TLL2: variants seen among roughly 807,000 people sequenced by gnomAD.
TLL2 encodes the protein tolloid-like protein 2.
Under a neutral mutation model 123.0 loss-of-function variants are expected in TLL2, and 106 were observed. That is an observed-to-expected ratio of 0.86 (90% CI 0.74 to 1.01). The LOEUF (loss-of-function observed/expected upper bound fraction) is 1.01. TLL2 is among the 50% of genes least tolerant of loss of function. TLL2 has a pLI of 0.00. For synonymous variants in TLL2, 494 were observed against 516.8 expected (o/e 0.96, Z 0.60); for missense variants, 1,332 against 1,336.7 (o/e 1.00, Z 0.06).
At chr10:96,497,352 GT>G (rs552664000) in intron 1 of TLL2, among the ~76,000 whole-genome samples, 8 of 152,104 alleles carry the variant, frequency 5.3e-5, no homozygotes, top group Admixed American at 1.3e-4. Context: ...TTCAGTCCAG[GT>G]AATAGCTGGG....
chr10:96,369,114 C>T (rs370316431), intron 20 of TLL2, among the ~76,000 whole-genome samples: 69 of 152,288 alleles, frequency 4.5e-4, no homozygotes, highest in African/African-American at 1.5e-3. Flanking sequence ...CTTGAGCGAC[C>T]GGGCCTCCAG....
At chr10:96,371,478 G>T (rs1002012235) in intron 19 of TLL2, among the ~76,000 whole-genome samples, 1 of 152,220 alleles carries the variant, frequency 6.6e-6, no homozygotes, top group African/African-American at 2.4e-5. Context: ...TGTAGATTCT[G>T]GGCCACCTGG....
In TLL2 at chr10:96,413,242, C is replaced by T. The variant is rs41291632; in HGVS notation, c.998G>A (p.Arg333Gln). The T allele has an allele frequency of 0.012, 19,682 of 1,614,162 alleles. 159 individuals carry two copies. The highest frequency in any genetic ancestry group is 0.014 in the Non-Finnish European group (16,256 of 1,180,000). Reference protein sequence around the residue: ...GVRPTIGQRVRLSQGDIAQAR... With the variant: ...GVRPTIGQRVQLSQGDIAQAR... Reference sequence around the variant, plus strand: ...TTGAGCTATGTCTCCCTGACTGAGCCGCACGCGCTGGCCAATGGTTGGCCT... The same window carrying T: ...TTGAGCTATGTCTCCCTGACTGAGCTGCACGCGCTGGCCAATGGTTGGCCT... The change falls in exon 8 of 21, where the codon CGG becomes CAG. Residue 333 changes from arginine to glutamine, a missense_variant. Arg to Gln is a conservative substitution (Grantham distance 43, BLOSUM62 1). Transcript: ENST00000357947.
intron 2 of TLL2, among the ~76,000 whole-genome samples, chr10:96,466,173 T>C (rs924674481): frequency 1.3e-5 from 2 of 152,060 alleles, no homozygotes; most frequent in African/African-American, 4.8e-5. Flanking sequence ...AGAAAGCAAG[T>C]AGTAGCGGGA....
At chr10:96,421,135 G>A in intron 6 of TLL2, 74 bp from the exon 7 acceptor site, 1 of 1,166,718 alleles carries the variant, frequency 8.6e-7, no homozygotes, top group Non-Finnish European at 1.3e-6. Flanking sequence ...GAAGGAGAAG[G>A]AGGGCCCATA....
intron 16 of TLL2, among the ~76,000 whole-genome samples, chr10:96,381,083 G>A (rs563687111): frequency 2.0e-5 from 3 of 152,130 alleles, no homozygotes; most frequent in African/African-American, 7.2e-5. Flanking sequence ...ATGACTCACA[G>A]GTCCTCACCC....
chr10:96,407,868 C>T (rs7914211), intron 9 of TLL2, among the ~76,000 whole-genome samples: 133,548 of 148,980 alleles, frequency 0.9, 59,097 homozygotes, highest in East Asian at 1. Context: ...CATGTGTGTG[C>T]GCACACGTGT....
At chr10:96,458,505 T>C (rs896285736) in intron 2 of TLL2, among the ~76,000 whole-genome samples, 9 of 145,688 alleles carry the variant, frequency 6.2e-5, no homozygotes, top group African/African-American at 2.3e-4. Flanking sequence ...GAGAATCGCT[T>C]GAACCTGGGA....
Position 96,373,726 on chromosome 10 carries a change from G to C in TLL2, c.2532C>G (p.Ala844=). The change falls in exon 19 of 21, where the codon GCC becomes GCG. Residue 844 remains alanine (A), a synonymous_variant. Transcript: ENST00000357947. ...TGCCGCAGAAACGGCCCAGAATGGG[G>C]GCCAGGCTGTCCGGCCCGTCATACA... is the stretch of plus-strand genomic sequence containing the variant. ...LEMYDGPDSL[A]PILGRFCGSK... 1 of 1,614,154 alleles carries C rather than the reference G, an allele frequency of 6.2e-7. No individual in the cohort carries two copies. The highest frequency in any genetic ancestry group is 8.5e-7 in the Non-Finnish European group (1 of 1,180,024).
intron 2 of TLL2, among the ~76,000 whole-genome samples, chr10:96,447,035 G>A (rs757349797): frequency 5.3e-5 from 8 of 152,256 alleles, no homozygotes; most frequent in Non-Finnish European, 1.0e-4. Context: ...GTGATAGAAC[G>A]TGATGGGAGG....
In TLL2 at chr10:96,413,306, A is replaced by T. The variant is rs760464995; in HGVS notation, c.934T>A (p.Leu312Ile). 1 of 1,613,822 alleles carries T rather than the reference A, an allele frequency of 6.2e-7. No homozygotes were observed. The highest frequency in any genetic ancestry group is 1.7e-5 in the Admixed American group (1 of 60,022). ...TCTTGACGGGGAAGGATGGTGTCTAAGAAAACTCCTCTACAGGAAGGAAAA... is the reference window on the plus strand; with the variant it reads ...TCTTGACGGGGAAGGATGGTGTCTATGAAAACTCCTCTACAGGAAGGAAAA... ...ARNTFSRGVF[L>I]DTILPRQDDN... Residue 312 changes from leucine to isoleucine, a missense_variant, in exon 8 of 21, where the codon TTA becomes ATA. Physicochemically the swap from Leu to Ile is conservative, Grantham distance 5. Coordinates refer to ENST00000357947, the MANE Select transcript of TLL2 (RefSeq NM_012465.4).
chr10:96,373,293 C>T (rs894889504), intron 19 of TLL2: 2 of 315,010 alleles, frequency 6.3e-6, no homozygotes, highest in Non-Finnish European at 1.2e-5. Context: ...AGGCACCAAC[C>T]ACCATGCCCA....
rs3789948 is a variant in TLL2 at position 96,402,739 on chromosome 10, C to T, written c.1267+2493G>A. On this transcript the variant is annotated intron_variant, in intron 10 of 20. Transcript: ENST00000357947. Reference sequence around the variant, plus strand: ...CTACCTGACTGACTTCTTCTAATGCCGGCAGCCTGGGACCCCTCAGTCATA... The same window carrying T: ...CTACCTGACTGACTTCTTCTAATGCTGGCAGCCTGGGACCCCTCAGTCATA... 7.6e-3 allele frequency among the ~76,000 whole-genome samples: 1,156 copies of T among 152,244 alleles called. 57 individuals are homozygous for T. In the South Asian group the frequency reaches 0.1, roughly 13 times the overall value.
chr10:96,490,383 A>G (rs2134108963), intron 1 of TLL2, among the ~76,000 whole-genome samples: 1 of 152,302 alleles, frequency 6.6e-6, no homozygotes, highest in African/African-American at 2.4e-5. Context: ...AGCGGAGAAA[A>G]AGAGTACCAA....
chr10:96,469,789 G>A (rs11188776), intron 2 of TLL2, among the ~76,000 whole-genome samples: 2,204 of 152,352 alleles, frequency 0.014, 87 homozygotes, highest in South Asian at 0.11. Context: ...CACAGAAGAG[G>A]TCCTCAATTA....
intron 1 of TLL2, among the ~76,000 whole-genome samples, chr10:96,499,242 G>C (rs1255035754): frequency 1.3e-5 from 2 of 152,140 alleles, no homozygotes; most frequent in African/African-American, 4.8e-5. Flanking sequence ...ATTTCCACTG[G>C]GTAATTCCCT....
At chr10:96,438,870 T>G (rs1846823101) in intron 3 of TLL2, among the ~76,000 whole-genome samples, 2 of 152,138 alleles carry the variant, frequency 1.3e-5, no homozygotes, top group South Asian at 4.1e-4. Flanking sequence ...TGAATAGGTG[T>G]TAGATTTTGT....
chr10:96,491,275 G>C (rs749734522), intron 1 of TLL2, among the ~76,000 whole-genome samples: 4 of 151,858 alleles, frequency 2.6e-5, no homozygotes, highest in Non-Finnish European at 5.9e-5. Flanking sequence ...CTGGCTACTC[G>C]GGAGGCTGAG....
Position 96,386,211 on chromosome 10 carries a change from G to A in TLL2, c.1857C>T (p.Ala619=). The change falls in exon 15 of 21, where the codon GCC becomes GCT. Residue 619 remains alanine, a synonymous_variant. Transcript: ENST00000357947. ...TCAGCTTGGTAATGAAACCGCCACA[G>A]GCCACTGCACGGGGGAAACAGAAAC... ...LAADKKMCEV[A]CGGFITKLNG... 2 of 1,594,634 alleles carry A rather than the reference G, an allele frequency of 1.3e-6. No individual in the cohort carries two copies. Among genetic ancestry groups the A allele is most frequent in the African/African-American group, 2.7e-5 (2 of 74,402 alleles).
Sources: gnomAD v4.1 joint callset for allele counts (sites outside exome capture counted in the v4.1 genomes callset) on GRCh38, gnomAD v4.1.1 for gene constraint, MANE v1.5 for transcripts, NCBI Gene and HGNC (gene_info 2026-07-23, HGNC 2026-07-21) for gene names.